Variants in GUCY2F observed in about 807,000 individuals in gnomAD.
The protein encoded by GUCY2F is retinal guanylyl cyclase 2.
Under a neutral mutation model 73.1 loss-of-function variants are expected in GUCY2F, and 61 were observed. That is an observed-to-expected ratio of 0.83 (90% CI 0.68 to 1.03). The LOEUF (loss-of-function observed/expected upper bound fraction) is 1.03, where lower values mean the gene tolerates loss of function less well. GUCY2F is among the 50% of genes least tolerant of loss of function. The probability of loss-of-function intolerance (pLI) is 0.00; values close to 1 mark genes in which losing one functional copy is unlikely to be tolerated. For missense variants in GUCY2F, 912 were observed against 854.3 expected, an observed-to-expected ratio of 1.07 and a Z score of -0.84; for synonymous variants, 331 against 307.8, an observed-to-expected ratio of 1.08 and a Z score of -0.79.
chrX:109,415,848 T>A (rs1016305659), intron 8 of GUCY2F, among the ~76,000 whole-genome samples: 1 of 111,938 alleles, frequency 8.9e-6, no homozygotes, highest in Non-Finnish European at 1.9e-5. Flanking sequence ...ATATCTAGCA[T>A]AAAATAAAAA....
In GUCY2F at chrX:109,465,255, C is replaced by T; in HGVS notation, c.919G>A (p.Ala307Thr). 1 of 1,209,302 alleles carries T rather than the reference C, an allele frequency of 8.3e-7. No homozygotes were observed. The highest frequency in any genetic ancestry group is 1.8e-5 in the South Asian group (1 of 56,912). ...VLRNNPKLREAYDAVLTITVE... is the reference protein window; with the variant it reads ...VLRNNPKLRETYDAVLTITVE... ...GTAATGGTCAACACTGCATCATAGG[C>T]TTCCCGGAGCTTTGGGTTGTTCCTT... The change falls in exon 3 of 20, where the codon GCC becomes ACC. Residue 307 changes from alanine to threonine, a missense_variant. Ala to Thr is a moderately conservative substitution (Grantham distance 58). Transcript: ENST00000218006.
At chrX:109,398,125 C>T in intron 11 of GUCY2F, among the ~76,000 whole-genome samples, 1 of 110,004 alleles carries the variant, frequency 9.1e-6, no homozygotes, top group Admixed American at 9.7e-5. Context: ...TGGATATTGC[C>T]TAATAGCCAA....
chrX:109,448,755 A>G (rs1391379894), intron 5 of GUCY2F, among the ~76,000 whole-genome samples: 1 of 112,109 alleles, frequency 8.9e-6, no homozygotes, highest in Non-Finnish European at 1.9e-5. Flanking sequence ...TTGCCAAAGC[A>G]ACAGGTTGAA....
At chrX:109,394,340 A>C (rs1291522239) in intron 12 of GUCY2F, among the ~76,000 whole-genome samples, 3 of 111,765 alleles carry the variant, frequency 2.7e-5, no homozygotes, top group Non-Finnish European at 5.7e-5. Context: ...TAGAAATTTG[A>C]CCTTCATGGT....
chrX:109,462,729 A>G (rs1325350025), intron 3 of GUCY2F, among the ~76,000 whole-genome samples: 1 of 112,005 alleles, frequency 8.9e-6, no homozygotes. Flanking sequence ...ACACACACAC[A>G]CATACACCCT....
At chrX:109,455,067 G>A (rs1324126298) in intron 3 of GUCY2F, among the ~76,000 whole-genome samples, 1 of 111,671 alleles carries the variant, frequency 9.0e-6, no homozygotes, top group East Asian at 2.8e-4. Context: ...TAGAGTGGGA[G>A]TTTTCAACAC....
chrX:109,458,989 T>G (rs1932313223), intron 3 of GUCY2F, among the ~76,000 whole-genome samples: 1 of 111,765 alleles, frequency 8.9e-6, no homozygotes, highest in Admixed American at 9.5e-5. Context: ...TTAATAGGCT[T>G]TGGTGAACTC....
chrX:109,476,431 C>T (rs1932696838), intron 1 of GUCY2F, among the ~76,000 whole-genome samples: 1 of 111,815 alleles, frequency 8.9e-6, no homozygotes, highest in Non-Finnish European at 1.9e-5. Context: ...TTATAGTTTT[C>T]AATATGTCCA....
chrX:109,407,932 G>A (rs1931013593), intron 9 of GUCY2F, among the ~76,000 whole-genome samples: 1 of 112,958 alleles, frequency 8.9e-6, no homozygotes, highest in Non-Finnish European at 1.9e-5. Context: ...GGGCACTGAG[G>A]AAGGGAAATG....
chrX:109,459,865 A>G (rs1184187449), intron 3 of GUCY2F, among the ~76,000 whole-genome samples: 1 of 111,960 alleles, frequency 8.9e-6, no homozygotes, highest in African/African-American at 3.2e-5. Context: ...TCAACATGAA[A>G]TAAAAACATG....
intron 3 of GUCY2F, among the ~76,000 whole-genome samples, chrX:109,460,853 G>T (rs907711955): frequency 1.8e-5 from 2 of 111,800 alleles, no homozygotes; most frequent in Non-Finnish European, 3.8e-5. Flanking sequence ...GCTTTACTAT[G>T]CATAAAATTG....
At chrX:109,390,466 T>G (rs1420686882) in intron 14 of GUCY2F, among the ~76,000 whole-genome samples, 1 of 112,006 alleles carries the variant, frequency 8.9e-6, no homozygotes, top group African/African-American at 3.2e-5. Flanking sequence ...CTTTGCACTG[T>G]GCTGTTTTTA....
At chrX:109,404,638 G>A (rs1486833205) in intron 9 of GUCY2F, among the ~76,000 whole-genome samples, 154 bp from the exon 10 acceptor site, 1 of 112,151 alleles carries the variant, frequency 8.9e-6, no homozygotes, top group Non-Finnish European at 1.9e-5. Context: ...TTGACAACCT[G>A]AGTCAGTTTT....
At chrX:109,476,347 T>G (rs1450446606) in intron 1 of GUCY2F, among the ~76,000 whole-genome samples, 1 of 112,297 alleles carries the variant, frequency 8.9e-6, no homozygotes, top group African/African-American at 3.2e-5. Context: ...GAAAATTACA[T>G]GAGTTAACAC....
Position 109,380,265 on chromosome X carries a change from G to A in GUCY2F, c.3150+1853C>T, listed in dbSNP as rs150749869. On this transcript the variant is annotated intron_variant, in intron 17 of 19. Coordinates refer to ENST00000218006, the MANE Select transcript of GUCY2F (RefSeq NM_001522.3). ...CAACTCTTGCTTCCAGTAGCACAGA[G>A]TGGATGAGGAGTGAAAATATTGAAT... Among the ~76,000 whole-genome samples, 160 of 112,034 alleles carry A rather than the reference G, an allele frequency of 1.4e-3. No individual in the cohort carries two copies. The South Asian group carries it at 0.025, about 17-fold the overall frequency.
chrX:109,381,369 A>G (rs184346632), intron 17 of GUCY2F, among the ~76,000 whole-genome samples: 65 of 111,435 alleles, frequency 5.8e-4, no homozygotes, highest in African/African-American at 2.1e-3. Context: ...TGACTGTGTG[A>G]CCCTGCTCAA....
intron 9 of GUCY2F, among the ~76,000 whole-genome samples, chrX:109,405,803 T>C (rs998080722): frequency 9.0e-6 from 1 of 111,727 alleles, no homozygotes; most frequent in African/African-American, 3.3e-5. Context: ...GAAAAAGTAC[T>C]AGAATAAGAA....
chrX:109,424,637 AGAGGCTGTGCATAGGTGGG>A (rs1931442308), intron 8 of GUCY2F, among the ~76,000 whole-genome samples: 1 of 111,394 alleles, frequency 9.0e-6, no homozygotes, highest in South Asian at 3.8e-4. Flanking sequence ...TAATAGTGGG[AGAGGCTGTGCATAGGTGGG>A]GACAGGAGAT....
At chrX:109,426,672 A>G (rs1931497820) in intron 8 of GUCY2F, among the ~76,000 whole-genome samples, 1 of 112,625 alleles carries the variant, frequency 8.9e-6, no homozygotes, top group Admixed American at 9.4e-5. Context: ...TACAGGCGTG[A>G]GCCACCACAC....
Sources: gnomAD v4.1 joint callset for allele counts (sites outside exome capture counted in the v4.1 genomes callset) on GRCh38, gnomAD v4.1.1 for gene constraint, MANE v1.5 for transcripts, NCBI Gene and HGNC (gene_info 2026-07-23, HGNC 2026-07-21) for gene names.